Variants in ITGA8 observed in about 807,000 individuals in gnomAD.
The protein encoded by ITGA8 is integrin subunit alpha 8, also known as integrin alpha-8.
ITGA8 carries 91 observed loss-of-function variants against 142.3 expected under a neutral mutation model. That is an observed-to-expected ratio of 0.64 (90% CI 0.54 to 0.76). The LOEUF is 0.76. Among genes scored for constraint, ITGA8 ranks in the 30% least tolerant of loss-of-function variants. The pLI is 0.00. For missense variants in ITGA8, 1,406 were observed against 1,327.7 expected (o/e 1.06, Z -0.92); for synonymous variants, 505 against 485.2 (o/e 1.04, Z -0.54).
chr10:15,580,954 A>G (rs1834396843), intron 23 of ITGA8, among the ~76,000 whole-genome samples: 3 of 152,244 alleles, frequency 2.0e-5, no homozygotes, highest in Admixed American at 1.3e-4. Flanking sequence ...AATGAAAGGC[A>G]TAAGTATGTA....
chr10:15,644,967 C>T (rs2131648525), intron 12 of ITGA8, among the ~76,000 whole-genome samples: 1 of 151,350 alleles, frequency 6.6e-6, no homozygotes, highest in East Asian at 2.0e-4. Flanking sequence ...GTGGCGGGCG[C>T]CTGTAATCCC....
chr10:15,695,332 C>G (rs374813584), intron 2 of ITGA8, among the ~76,000 whole-genome samples: 56 of 152,268 alleles, frequency 3.7e-4, no homozygotes, highest in African/African-American at 1.2e-3. Flanking sequence ...GTCAACAAAT[C>G]ACCTTTCTAA....
intron 22 of ITGA8, among the ~76,000 whole-genome samples, chr10:15,590,602 T>C (rs1295697066): frequency 6.6e-6 from 1 of 152,198 alleles, no homozygotes; most frequent in African/African-American, 2.4e-5. Context: ...TCTGGAGGGA[T>C]GGTGGTCCTT....
intron 21 of ITGA8, among the ~76,000 whole-genome samples, chr10:15,594,564 C>T (rs190973123): frequency 2.0e-5 from 3 of 152,188 alleles, no homozygotes; most frequent in Admixed American, 2.0e-4. Context: ...GTGGGTGGAT[C>T]ACAAGGTCAG....
At chr10:15,581,318 T>C (rs977917004) in intron 23 of ITGA8, among the ~76,000 whole-genome samples, 2 of 152,194 alleles carry the variant, frequency 1.3e-5, no homozygotes, top group Non-Finnish European at 2.9e-5. Context: ...CCAAGCCTAT[T>C]ATCACATGTC....
At chr10:15,585,834 A>G (rs1003388985) in intron 23 of ITGA8, among the ~76,000 whole-genome samples, 1 of 152,138 alleles carries the variant, frequency 6.6e-6, no homozygotes, top group Non-Finnish European at 1.5e-5. Context: ...AAAAAGATGT[A>G]AAATATAGAT....
chr10:15,677,554 C>G, intron 6 of ITGA8, 38 bp downstream of exon 6: 4 of 1,585,892 alleles, frequency 2.5e-6, no homozygotes, highest in Non-Finnish European at 3.5e-6. Context: ...CTGTTAGTAA[C>G]AACAAATGTG....
chr10:15,646,089 C>A (rs1028459144), intron 12 of ITGA8, among the ~76,000 whole-genome samples: 1 of 152,198 alleles, frequency 6.6e-6, no homozygotes, highest in Non-Finnish European at 1.5e-5. Flanking sequence ...CTTTAAGTCA[C>A]CAAATCCAAA....
chr10:15,655,898 C>T (rs1013998567), intron 10 of ITGA8, among the ~76,000 whole-genome samples: 19 of 152,084 alleles, frequency 1.2e-4, no homozygotes, highest in African/African-American at 3.9e-4. Flanking sequence ...CCAACCCTGG[C>T]AATATGGTGA....
At chr10:15,711,658 C>A (rs574615647) in intron 2 of ITGA8, among the ~76,000 whole-genome samples, 227 of 152,116 alleles carry the variant, frequency 1.5e-3, no homozygotes, top group African/African-American at 5.0e-3. Flanking sequence ...ACCTCCCCCC[C>A]AAAAGATTCC....
chr10:15,574,705 A>G (rs920861464), intron 24 of ITGA8, among the ~76,000 whole-genome samples: 3 of 134,772 alleles, frequency 2.2e-5, no homozygotes, highest in Non-Finnish European at 3.3e-5. Context: ...ATATATATGT[A>G]TATATATATT....
In ITGA8 at chr10:15,575,615, T is replaced by C. The variant is rs1466120136; in HGVS notation, c.2373-21A>G. On this transcript the variant is annotated intron_variant, in intron 23 of 29. Transcript: ENST00000378076. Reference sequence around the variant, plus strand: ...ACACTCTGAAACATGAAATGTCCTGTTAATTGTTAGCAATGGCCCAGGTAA... The same window carrying C: ...ACACTCTGAAACATGAAATGTCCTGCTAATTGTTAGCAATGGCCCAGGTAA... 2.5e-6 allele frequency: 4 copies of C among 1,585,614 alleles called. No homozygotes were observed. In the East Asian group the frequency reaches 9.0e-5, roughly 35 times the overall value.
At chr10:15,627,266 A>T (rs1175760930) in intron 13 of ITGA8, among the ~76,000 whole-genome samples, 1 of 152,188 alleles carries the variant, frequency 6.6e-6, no homozygotes, top group African/African-American at 2.4e-5. Context: ...GTTTGAGAAG[A>T]GGAAAGAGTG....
At chr10:15,710,550 G>A (rs1835344676) in intron 2 of ITGA8, among the ~76,000 whole-genome samples, 1 of 152,206 alleles carries the variant, frequency 6.6e-6, no homozygotes, top group South Asian at 2.1e-4. Flanking sequence ...GATGTCCTGG[G>A]TGGCTAAGAA....
At chr10:15,671,702 GT>G in intron 7 of ITGA8, 55 bp from the exon 8 acceptor site, 1 of 1,384,890 alleles carries the variant, frequency 7.2e-7, no homozygotes, top group Non-Finnish European at 1.0e-6. Flanking sequence ...AACCTAATGA[GT>G]TATATCTAGA....
intron 2 of ITGA8, among the ~76,000 whole-genome samples, chr10:15,697,751 A>G (rs1835084283): frequency 6.6e-6 from 1 of 152,202 alleles, no homozygotes; most frequent in African/African-American, 2.4e-5. Context: ...AAAAACATAT[A>G]TCCAGCCATT....
chr10:15,532,662 T>A (rs1833332885), intron 27 of ITGA8, among the ~76,000 whole-genome samples: 1 of 152,010 alleles, frequency 6.6e-6, no homozygotes, highest in Non-Finnish European at 1.5e-5. Context: ...GTGGCTCTCT[T>A]TTGTTGGATA....
At chr10:15,549,141 T>C (rs953463996) in intron 26 of ITGA8, among the ~76,000 whole-genome samples, 12 of 151,826 alleles carry the variant, frequency 7.9e-5, no homozygotes, top group Non-Finnish European at 1.5e-4. Context: ...TCAAAAGGAT[T>C]CATTATAATG....
chr10:15,532,289 G>T (rs11259726), intron 27 of ITGA8, among the ~76,000 whole-genome samples: 4 of 151,308 alleles, frequency 2.6e-5, no homozygotes, highest in Non-Finnish European at 5.9e-5. Flanking sequence ...CATGGTGGCG[G>T]GTCCCTATAA....
Sources: gnomAD v4.1 joint callset for allele counts (sites outside exome capture counted in the v4.1 genomes callset) on GRCh38, gnomAD v4.1.1 for gene constraint, MANE v1.5 for transcripts, NCBI Gene and HGNC (gene_info 2026-07-23, HGNC 2026-07-21) for gene names.